Variants in SHC4 observed in about 807,000 individuals in gnomAD.
SHC4 encodes the protein SHC adaptor protein 4, also known as SHC-transforming protein 4.
Under a neutral mutation model 69.4 loss-of-function variants are expected in SHC4, and 41 were observed. The ratio of observed to expected loss-of-function variants is 0.59; its 90% CI spans 0.46 to 0.77. SHC4 has a LOEUF of 0.77. Ranked by LOEUF, SHC4 falls within the 30% of genes least tolerant of loss-of-function variation. The pLI is 0.00. For missense variants in SHC4, 777 were observed against 783.8 expected (o/e 0.99, Z 0.10); for synonymous variants, 318 against 299.3 (o/e 1.06, Z -0.64).
At chr15:48,935,312 G>A (rs1407498493) in intron 1 of SHC4, among the ~76,000 whole-genome samples, 1 of 152,144 alleles carries the variant, frequency 6.6e-6, no homozygotes, top group Non-Finnish European at 1.5e-5. Flanking sequence ...GAACACCTTT[G>A]TCACACCCCT....
intron 2 of SHC4, among the ~76,000 whole-genome samples, chr15:48,904,645 A>C (rs927878206): frequency 3.9e-5 from 6 of 152,270 alleles, no homozygotes; most frequent in African/African-American, 1.2e-4. Flanking sequence ...TGGGAGGCTA[A>C]GGTGGGAGGA....
At chr15:48,953,416 TA>T (rs1197754358) in intron 1 of SHC4, among the ~76,000 whole-genome samples, 3 of 150,364 alleles carry the variant, frequency 2.0e-5, no homozygotes, top group Non-Finnish European at 4.4e-5. Context: ...AAATAAAAGT[TA>T]AAAAAAAACA....
chr15:48,897,646 G>A (rs972934453), intron 2 of SHC4, among the ~76,000 whole-genome samples: 2 of 150,450 alleles, frequency 1.3e-5, no homozygotes, highest in African/African-American at 4.9e-5. Context: ...TGAATGTCAA[G>A]ATGCAGTTCT....
chr15:48,892,253 A>G (rs1900151285), intron 2 of SHC4, among the ~76,000 whole-genome samples: 1 of 152,176 alleles, frequency 6.6e-6, no homozygotes, highest in Admixed American at 6.5e-5. Flanking sequence ...ATTCCCAAAG[A>G]TTCTAGGCAT....
At chr15:48,895,331 C>T (rs934331032) in intron 2 of SHC4, among the ~76,000 whole-genome samples, 2 of 152,220 alleles carry the variant, frequency 1.3e-5, no homozygotes, top group Admixed American at 6.5e-5. Flanking sequence ...CCACAAGCAC[C>T]GGGGAGGAAC....
chr15:48,954,083 A>T (rs1203350535), intron 1 of SHC4, among the ~76,000 whole-genome samples: 1 of 152,204 alleles, frequency 6.6e-6, no homozygotes, highest in African/African-American at 2.4e-5. Context: ...ACTTCATCCC[A>T]CTGGCTCAAG....
intron 11 of SHC4, among the ~76,000 whole-genome samples, chr15:48,829,576 A>C (rs1431993014): frequency 6.6e-6 from 1 of 152,126 alleles, no homozygotes; most frequent in African/African-American, 2.4e-5. Context: ...ATTTTCATGG[A>C]ATATCTTTTT....
chr15:48,937,994 C>T (rs1475258511), intron 1 of SHC4, among the ~76,000 whole-genome samples: 2 of 152,254 alleles, frequency 1.3e-5, no homozygotes, highest in Admixed American at 6.5e-5. Flanking sequence ...AAGTCTTTTG[C>T]GGGGAGGAGC....
At chr15:48,941,047 C>G (rs1901166357) in intron 1 of SHC4, among the ~76,000 whole-genome samples, 1 of 152,128 alleles carries the variant, frequency 6.6e-6, no homozygotes, top group Admixed American at 6.6e-5. Flanking sequence ...TCGAAGGGAC[C>G]TTAGAGATGA....
chr15:48,861,190 C>T (rs999475086), intron 6 of SHC4, among the ~76,000 whole-genome samples: 1 of 152,154 alleles, frequency 6.6e-6, no homozygotes, highest in Non-Finnish European at 1.5e-5. Context: ...ACTTGAACTC[C>T]TGGGCTCAAG....
intron 1 of SHC4, among the ~76,000 whole-genome samples, chr15:48,933,875 A>C (rs1257425544): frequency 6.6e-6 from 1 of 152,176 alleles, no homozygotes; most frequent in Non-Finnish European, 1.5e-5. Flanking sequence ...AACCGATGGC[A>C]CCAGAGCAAT....
intron 9 of SHC4, among the ~76,000 whole-genome samples, 177 bp from the exon 10 acceptor site, chr15:48,843,765 G>A (rs1198556863): frequency 6.6e-6 from 1 of 152,110 alleles, no homozygotes; most frequent in East Asian, 1.9e-4. Context: ...AGTCTCTGAG[G>A]GAAAGCCACC....
rs1898866881 is a variant in SHC4, at chr15:48,834,688, A to G, written c.1737+81T>C. 8.3e-6 allele frequency: 13 copies of G among 1,558,544 alleles called. No homozygotes were observed. The South Asian group carries it at 1.5e-4, about 18-fold the overall frequency. On this transcript the variant is annotated intron_variant, in intron 11 of 11. Transcript: ENST00000332408. ...AAATACTTAGCCTTGAGCACTATTC[A>G]ATACCAGGTTTTGGAAATCATTCAG... is the stretch of plus-strand genomic sequence containing the variant.
intron 4 of SHC4, among the ~76,000 whole-genome samples, chr15:48,875,474 G>T (rs1402936888): frequency 6.6e-6 from 1 of 152,228 alleles, no homozygotes; most frequent in South Asian, 2.1e-4. Context: ...AGGAGAGGCT[G>T]CAGTTCAAAA....
intron 2 of SHC4, among the ~76,000 whole-genome samples, chr15:48,914,477 T>A (rs1033205636): frequency 6.6e-6 from 1 of 152,210 alleles, no homozygotes; most frequent in Non-Finnish European, 1.5e-5. Flanking sequence ...TATTAGCTAC[T>A]CTTTCATCGT....
intron 1 of SHC4, among the ~76,000 whole-genome samples, chr15:48,961,044 C>T (rs1901538063): frequency 6.6e-6 from 1 of 152,134 alleles, no homozygotes; most frequent in African/African-American, 2.4e-5. Context: ...GTTGTTGAGG[C>T]TTCTCTCATT....
At chr15:48,864,674 C>T (rs1276734016) in intron 6 of SHC4, among the ~76,000 whole-genome samples, 2 of 151,986 alleles carry the variant, frequency 1.3e-5, no homozygotes, top group Non-Finnish European at 2.9e-5. Context: ...GTCTCCATCT[C>T]CTGACCTCAT....
intron 11 of SHC4, among the ~76,000 whole-genome samples, chr15:48,832,396 T>C (rs1898822463): frequency 6.6e-6 from 1 of 152,244 alleles, no homozygotes; most frequent in Non-Finnish European, 1.5e-5. Context: ...GTGGTTATGA[T>C]AAATGTGCTG....
At chr15:48,848,830 A>G (rs1019055074) in intron 9 of SHC4, among the ~76,000 whole-genome samples, 1 of 151,830 alleles carries the variant, frequency 6.6e-6, no homozygotes. Context: ...TGTTTTAAGA[A>G]TTTTTTTTTA....
Sources: allele counts gnomAD v4.1 joint callset (sites outside exome capture counted in the v4.1 genomes callset), GRCh38; gene constraint gnomAD v4.1.1; transcripts MANE v1.5; gene names NCBI Gene and HGNC (gene_info 2026-07-23, HGNC 2026-07-21).